NMT2: variants seen among roughly 807,000 people sequenced by gnomAD.
The protein encoded by NMT2 is N-myristoyltransferase 2, also known as glycylpeptide N-tetradecanoyltransferase 2.
Under a neutral mutation model 65.4 loss-of-function variants are expected in NMT2, and 35 were observed. That is an observed-to-expected ratio of 0.54 (90% CI 0.41 to 0.71). The LOEUF (loss-of-function observed/expected upper bound fraction) is 0.71. Ranked by LOEUF, NMT2 falls within the 30% of genes least tolerant of loss-of-function variation. NMT2 has a pLI of 0.00. For missense variants in NMT2, 489 were observed against 611.3 expected (o/e 0.80, Z 2.11); for synonymous variants, 226 against 231.8 (o/e 0.98, Z 0.23).
rs1451302062 is a variant in NMT2, at chr10:15,106,874, A to G, written c.*2321T>C. ...CCAGTACTTTGGGAGGCCAAGGCAG[A>G]AGGATCACTTGAGGCCAGGAGTTAA... On this transcript the variant is annotated 3_prime_UTR_variant, in exon 12 of 12. Coordinates refer to ENST00000378165, the MANE Select transcript of NMT2 (RefSeq NM_004808.3). 6.6e-6 allele frequency among the ~76,000 whole-genome samples: 1 copy of G among 152,204 alleles called. No individual in the cohort carries two copies. Among genetic ancestry groups the G allele is most frequent in the African/African-American group, 2.4e-5 (1 of 41,454 alleles).
At position 15,140,130 on chromosome 10, in the gene NMT2, T is replaced by C. The variant is rs114855822; in HGVS notation, c.246+1292A>G. Among the ~76,000 whole-genome samples, 446 of 151,912 alleles carry C rather than the reference T, an allele frequency of 2.9e-3. 4 individuals carry two copies. Among genetic ancestry groups the C allele is most frequent in the African/African-American group, 1.0e-2 (413 of 41,470 alleles). ...CAATACCACATGCTACTCACATTGA[T>C]TGACTGATTGATTGATTGACATGGT... On this transcript the variant is annotated intron_variant, in intron 2 of 11. Transcript: ENST00000378165.
rs374917839 is a variant in NMT2 at position 15,149,105 on chromosome 10, C to T, written c.111-7548G>A. Among the ~76,000 whole-genome samples the T allele has an allele frequency of 6.6e-5, 10 of 151,656 alleles. No individual in the cohort carries two copies. In the East Asian group the frequency reaches 1.4e-3, roughly 21 times the overall value. On this transcript the variant is annotated intron_variant, in intron 1 of 11. Transcript: ENST00000378165. ...ACCATCACCATATCATTACTAACAT[C>T]GTCACCATTATCATCATCACCACCA...
At chr10:15,162,547 C>T (rs1435601468) in intron 1 of NMT2, among the ~76,000 whole-genome samples, 1 of 151,812 alleles carries the variant, frequency 6.6e-6, no homozygotes, top group African/African-American at 2.4e-5. Context: ...GGATTACTAT[C>T]ACCCCAGAAA....
intron 2 of NMT2, among the ~76,000 whole-genome samples, chr10:15,139,266 A>ATCTG (rs1438169470): frequency 1.4e-5 from 2 of 147,866 alleles, no homozygotes; most frequent in African/African-American, 5.3e-5. Flanking sequence ...CTATCTATCT[A>ATCTG]TCTATCTATC....
At chr10:15,138,926 G>A (rs1397035332) in intron 2 of NMT2, among the ~76,000 whole-genome samples, 1 of 152,190 alleles carries the variant, frequency 6.6e-6, no homozygotes, top group East Asian at 1.9e-4. Context: ...TTGGTCCTGG[G>A]TGTGTCTGTG....
At chr10:15,139,284 CTATCTATCT>C (rs1846640636) in intron 2 of NMT2, among the ~76,000 whole-genome samples, 1 of 147,634 alleles carries the variant, frequency 6.8e-6, no homozygotes, top group African/African-American at 2.7e-5. Context: ...ATCTATCTAT[CTATCTATCT>C]ATCCATCCAT....
chr10:15,128,824 G>A (rs1395596772), intron 7 of NMT2, among the ~76,000 whole-genome samples: 8 of 152,154 alleles, frequency 5.3e-5, no homozygotes, highest in African/African-American at 9.7e-5. Context: ...GGCCAACATG[G>A]TGAAACCCCA....
At chr10:15,115,883 C>A (rs1845727336) in intron 9 of NMT2, among the ~76,000 whole-genome samples, 1 of 152,132 alleles carries the variant, frequency 6.6e-6, no homozygotes. Context: ...TAGGGAGACA[C>A]AAAGACCCTA....
chr10:15,134,851 G>A (rs1382148600), intron 3 of NMT2, among the ~76,000 whole-genome samples: 1 of 152,030 alleles, frequency 6.6e-6, no homozygotes, highest in Non-Finnish European at 1.5e-5. Flanking sequence ...GTGTGGTGGT[G>A]TGCACTTGTG....
At chr10:15,155,480 C>T (rs1210724944) in intron 1 of NMT2, among the ~76,000 whole-genome samples, 3 of 151,680 alleles carry the variant, frequency 2.0e-5, no homozygotes, top group African/African-American at 7.3e-5. Context: ...GTGATCCTCC[C>T]GCCTCAGCCT....
chr10:15,108,006 A>G lies in NMT2; in HGVS notation c.*1189T>C, dbSNP rs963334938. 8 of 985,712 alleles carry G rather than the reference A, an allele frequency of 8.1e-6. No homozygotes were observed. The Admixed American group carries it at 1.8e-4, about 23-fold the overall frequency. The allele number at this position is 985,712 out of a possible 1,614,324, so 61.1% of individuals were successfully genotyped here. On this transcript the variant is annotated 3_prime_UTR_variant, in exon 12 of 12. Coordinates refer to ENST00000378165, the MANE Select transcript of NMT2 (RefSeq NM_004808.3). ...CATAGAGGAGTATGTGCAATTTTGC[A>G]TAAGTAATAAAAACATTCAAACTAT...
intron 3 of NMT2, 103 bp downstream of exon 3, chr10:15,135,171 T>C (rs1846431640): frequency 1.7e-6 from 2 of 1,155,660 alleles, no homozygotes; most frequent in Admixed American, 3.7e-5. Context: ...ATGATACATG[T>C]GAAGTTAACA....
intron 1 of NMT2, 69 bp downstream of exon 1, chr10:15,168,434 C>G: frequency 8.3e-7 from 1 of 1,201,224 alleles, no homozygotes; most frequent in Non-Finnish European, 1.2e-6. Flanking sequence ...GAGCCACCCC[C>G]GAACGGGAGA....
Position 15,106,359 on chromosome 10 carries a change from A to C in NMT2, c.*2836T>G, listed in dbSNP as rs1845303462. 6.5e-6 allele frequency: 1 copy of C among 153,102 alleles called. No homozygotes were observed. The highest frequency in any genetic ancestry group is 1.5e-5 in the Non-Finnish European group (1 of 68,464). 9.5% of individuals were successfully genotyped at this position (153,102 alleles called of 1,614,324 possible). On this transcript the variant is annotated 3_prime_UTR_variant, in exon 12 of 12. Transcript: ENST00000378165. ...TGTGGCATGAAAATGAGTGGGAAGT[A>C]AAGTCCTAAATTAGAGCCTTGACTC... is the stretch of plus-strand genomic sequence containing the variant.
intron 9 of NMT2, among the ~76,000 whole-genome samples, chr10:15,115,512 A>G (rs1285201523): frequency 1.3e-5 from 2 of 152,214 alleles, no homozygotes; most frequent in Non-Finnish European, 2.9e-5. Context: ...AATCCACAGC[A>G]AGGCAAGAAA....
In NMT2 at chr10:15,125,201, G is replaced by T. The variant is rs538106632; in HGVS notation, c.999+3149C>A. Among the ~76,000 whole-genome samples, 4 of 152,308 alleles carry T rather than the reference G, an allele frequency of 2.6e-5. No individual in the cohort carries two copies. In the East Asian group the frequency reaches 7.7e-4, roughly 29 times the overall value. ...CAAAAGGTTGCTGTGAGAATAAATTGAATAATGTATTTGAAAGCACTTCAT... is the reference window on the plus strand; with the variant it reads ...CAAAAGGTTGCTGTGAGAATAAATTTAATAATGTATTTGAAAGCACTTCAT... On this transcript the variant is annotated intron_variant, in intron 8 of 11. Coordinates refer to ENST00000378165, the MANE Select transcript of NMT2 (RefSeq NM_004808.3).
chr10:15,120,308 CTT>C (rs1845884616), intron 8 of NMT2, among the ~76,000 whole-genome samples: 1 of 152,026 alleles, frequency 6.6e-6, no homozygotes, highest in South Asian at 2.1e-4. Flanking sequence ...AAATGTAAAA[CTT>C]AGCCAGGCGT....
intron 8 of NMT2, 38 bp from the exon 9 acceptor site, chr10:15,119,551 G>A: frequency 6.3e-7 from 1 of 1,593,270 alleles, no homozygotes; most frequent in Non-Finnish European, 8.6e-7. Flanking sequence ...CAGAAGTTCA[G>A]GTAGAAGAGG....
intron 11 of NMT2, 64 bp downstream of exon 11, chr10:15,109,638 A>G: frequency 7.9e-7 from 1 of 1,272,044 alleles, no homozygotes; most frequent in South Asian, 1.8e-5. Flanking sequence ...GTCTAAGTGA[A>G]GCAAGTATGA....
Sources: allele counts gnomAD v4.1 joint callset (sites outside exome capture counted in the v4.1 genomes callset), GRCh38; gene constraint gnomAD v4.1.1; transcripts MANE v1.5; gene names NCBI Gene and HGNC (gene_info 2026-07-23, HGNC 2026-07-21).